SLC24A3: variants seen among roughly 807,000 people sequenced by gnomAD.
SLC24A3 encodes sodium/potassium/calcium exchanger 3.
A neutral mutation model predicts 75.8 loss-of-function variants in SLC24A3; 28 were observed. That is an observed-to-expected ratio of 0.37 (90% CI 0.27 to 0.51). The LOEUF is 0.51. Among genes scored for constraint, SLC24A3 ranks in the 20% least tolerant of loss-of-function variants. SLC24A3 has a pLI of 0.94. For missense variants in SLC24A3, 663 were observed against 847.8 expected (o/e 0.78, Z 2.71); for synonymous variants, 372 against 334.1 (o/e 1.11, Z -1.24).
intron 1 of SLC24A3, among the ~76,000 whole-genome samples, chr20:19,241,207 G>A (rs771416541): frequency 2.6e-4 from 39 of 152,372 alleles, no homozygotes; most frequent in Non-Finnish European, 4.9e-4. Context: ...GTAGGACACG[G>A]ACGGGGTTAT....
intron 12 of SLC24A3, among the ~76,000 whole-genome samples, chr20:19,690,508 G>A (rs951263294): frequency 2.0e-5 from 3 of 151,720 alleles, no homozygotes; most frequent in Non-Finnish European, 2.9e-5. Context: ...GTGTTTCTTC[G>A]TAATCTTTGA....
intron 1 of SLC24A3, among the ~76,000 whole-genome samples, chr20:19,213,716 A>G (rs1981475062): frequency 6.6e-6 from 1 of 152,192 alleles, no homozygotes; most frequent in African/African-American, 2.4e-5. Context: ...CCTTTAACCC[A>G]CAACTTTTGT....
intron 2 of SLC24A3, among the ~76,000 whole-genome samples, chr20:19,303,649 T>A (rs1984252347): frequency 6.6e-6 from 1 of 152,198 alleles, no homozygotes; most frequent in African/African-American, 2.4e-5. Flanking sequence ...GGGAGTGAAT[T>A]GAAGGAAATG....
At chr20:19,454,943 T>G (rs1236550672) in intron 2 of SLC24A3, among the ~76,000 whole-genome samples, 1 of 152,206 alleles carries the variant, frequency 6.6e-6, no homozygotes, top group South Asian at 2.1e-4. Flanking sequence ...CCACTGAGAA[T>G]TATAGACAGA....
chr20:19,614,050 C>T (rs926169975), intron 6 of SLC24A3, among the ~76,000 whole-genome samples: 2 of 152,176 alleles, frequency 1.3e-5, no homozygotes, highest in Admixed American at 1.3e-4. Context: ...ATCCACAGAT[C>T]TGATGAGCAG....
chr20:19,306,992 T>C (rs903382305), intron 2 of SLC24A3, among the ~76,000 whole-genome samples: 1 of 152,210 alleles, frequency 6.6e-6, no homozygotes, highest in African/African-American at 2.4e-5. Flanking sequence ...TCCCAAGGAC[T>C]TGAGGTCTTC....
intron 7 of SLC24A3, among the ~76,000 whole-genome samples, chr20:19,663,408 AC>A (rs1568689495): frequency 6.8e-4 from 9 of 13,326 alleles, no homozygotes; most frequent in East Asian, 2.4e-3. Context: ...CTCCTCCTCC[AC>A]CTCCTCCTCC....
chr20:19,365,900 G>T (rs981657990), intron 2 of SLC24A3, among the ~76,000 whole-genome samples: 3 of 152,058 alleles, frequency 2.0e-5, no homozygotes, highest in Admixed American at 1.3e-4. Flanking sequence ...CTGACATGTG[G>T]GTCCTTTATT....
intron 2 of SLC24A3, among the ~76,000 whole-genome samples, chr20:19,339,170 T>TGTTGTAATTCCATGGGGA (rs2122304864): frequency 6.6e-6 from 1 of 152,344 alleles, no homozygotes; most frequent in Non-Finnish European, 1.5e-5. Context: ...ATACCCTCCC[T>TGTTGTAATTCCATGGGGA]GTTGTAATTC....
At chr20:19,447,531 T>G (rs1987407495) in intron 2 of SLC24A3, among the ~76,000 whole-genome samples, 1 of 152,102 alleles carries the variant, frequency 6.6e-6, no homozygotes, top group Non-Finnish European at 1.5e-5. Context: ...GTGGTTTTTT[T>G]GCCTTAAAAA....
intron 12 of SLC24A3, among the ~76,000 whole-genome samples, chr20:19,691,112 C>T (rs920060139): frequency 6.6e-6 from 1 of 152,018 alleles, no homozygotes; most frequent in African/African-American, 2.4e-5. Context: ...TTGAGGGAGA[C>T]TGAAAATAAA....
At chr20:19,633,402 C>G (rs777480553) in intron 6 of SLC24A3, among the ~76,000 whole-genome samples, 4 of 152,094 alleles carry the variant, frequency 2.6e-5, no homozygotes, top group Non-Finnish European at 4.4e-5. Context: ...GTAATCCCAG[C>G]ACTTTGGGAG....
chr20:19,305,669 G>A (rs983613429), intron 2 of SLC24A3, among the ~76,000 whole-genome samples: 44 of 152,062 alleles, frequency 2.9e-4, no homozygotes, highest in African/African-American at 7.7e-4. Context: ...CTCCTTACGC[G>A]ATAAACGGTG....
At chr20:19,715,864 C>T (rs1173008664) in intron 15 of SLC24A3, among the ~76,000 whole-genome samples, 4 of 152,220 alleles carry the variant, frequency 2.6e-5, no homozygotes, top group Admixed American at 2.6e-4. Context: ...AGAAGCTTTT[C>T]ACTCCCTGCA....
chr20:19,482,777 C>A (rs1988076862), intron 2 of SLC24A3, among the ~76,000 whole-genome samples: 1 of 152,166 alleles, frequency 6.6e-6, no homozygotes, highest in Non-Finnish European at 1.5e-5. Context: ...TGAGATTGTC[C>A]TTTAGCTCCT....
chr20:19,327,800 C>T (rs766421479), intron 2 of SLC24A3, among the ~76,000 whole-genome samples: 2 of 152,104 alleles, frequency 1.3e-5, no homozygotes, highest in African/African-American at 2.4e-5. Flanking sequence ...TTCATTCATT[C>T]AATGTATATT....
chr20:19,508,502 A>AT (rs1308031772), intron 2 of SLC24A3, among the ~76,000 whole-genome samples: 8 of 147,242 alleles, frequency 5.4e-5, no homozygotes, highest in East Asian at 2.0e-4. Context: ...TTCCTGCTGC[A>AT]TTTTTTTTCA....
At chr20:19,522,709 C>A (rs937818996) in intron 3 of SLC24A3, among the ~76,000 whole-genome samples, 1 of 152,086 alleles carries the variant, frequency 6.6e-6, no homozygotes, top group South Asian at 2.1e-4. Flanking sequence ...AGCAACAGAA[C>A]GGGGTGGCGC....
At chr20:19,608,755 A>G (rs1362529706) in intron 6 of SLC24A3, among the ~76,000 whole-genome samples, 2 of 152,220 alleles carry the variant, frequency 1.3e-5, no homozygotes. Flanking sequence ...GGCAGGTTGC[A>G]TAGGAAAGCA....
Sources: gnomAD v4.1 joint callset for allele counts (sites outside exome capture counted in the v4.1 genomes callset) on GRCh38, gnomAD v4.1.1 for gene constraint, MANE v1.5 for transcripts, NCBI Gene and HGNC (gene_info 2026-07-23, HGNC 2026-07-21) for gene names.